The following PDE4D variants were observed in gnomAD, a reference collection of about 807,000 sequenced individuals.
The protein encoded by PDE4D is phosphodiesterase 4D.
PDE4D carries 24 observed loss-of-function variants against 87.4 expected under a neutral mutation model. That is an observed-to-expected ratio of 0.27 (90% CI 0.20 to 0.39). PDE4D has a LOEUF of 0.39. PDE4D is among the 10% of genes least tolerant of loss of function. The pLI, the probability that PDE4D is intolerant of heterozygous loss-of-function variation, is 1.00. For synonymous variants in PDE4D, 384 were observed against 383.2 expected (o/e 1.00, Z -0.02); for missense variants, 714 against 1,041.0 (o/e 0.69, Z 4.32).
intron 1 of PDE4D, among the ~76,000 whole-genome samples, chr5:60,473,206 AAAAG>A (rs1747988569): frequency 6.6e-6 from 1 of 150,804 alleles, no homozygotes; most frequent in Admixed American, 6.6e-5. Context: ...AGAAAGAAAG[AAAAG>A]AAAGAGAAAG....
intron 2 of PDE4D, among the ~76,000 whole-genome samples, chr5:59,199,335 T>G (rs1319258576): frequency 6.6e-6 from 1 of 151,772 alleles, no homozygotes; most frequent in African/African-American, 2.4e-5. Context: ...TGAAGTGATC[T>G]TCCTGTCTCA....
chr5:59,704,357 T>G (rs1753065989), intron 1 of PDE4D, among the ~76,000 whole-genome samples: 1 of 152,218 alleles, frequency 6.6e-6, no homozygotes, highest in African/African-American at 2.4e-5. Context: ...TTATTGTAAT[T>G]AGTGAAAACA....
chr5:60,110,390 G>T (rs1296189605), intron 2 of PDE4D, among the ~76,000 whole-genome samples: 1 of 151,928 alleles, frequency 6.6e-6, no homozygotes, highest in East Asian at 1.9e-4. Flanking sequence ...CAAAAGACTT[G>T]CAAATGGCCA....
At chr5:59,702,070 A>G (rs1334544883) in intron 1 of PDE4D, among the ~76,000 whole-genome samples, 1 of 152,210 alleles carries the variant, frequency 6.6e-6, no homozygotes, top group African/African-American at 2.4e-5. Context: ...TCATACATCA[A>G]CAGCAACATC....
chr5:59,829,737 T>C (rs1290520505), intron 1 of PDE4D, among the ~76,000 whole-genome samples: 2 of 152,052 alleles, frequency 1.3e-5, no homozygotes, highest in African/African-American at 4.8e-5. Context: ...TATACAATGA[T>C]CCCTTATTGC....
chr5:60,132,812 G>A (rs902316930), intron 2 of PDE4D, among the ~76,000 whole-genome samples: 5 of 151,832 alleles, frequency 3.3e-5, no homozygotes, highest in Admixed American at 2.0e-4. Context: ...AGCCGAGATC[G>A]CACCACTGCA....
chr5:59,786,854 T>G (rs1487891087), intron 1 of PDE4D, among the ~76,000 whole-genome samples: 1 of 152,166 alleles, frequency 6.6e-6, no homozygotes, highest in Non-Finnish European at 1.5e-5. Flanking sequence ...ATTGATGCCC[T>G]TTTTCAACAT....
At chr5:59,645,685 C>T (rs1244116843) in intron 1 of PDE4D, among the ~76,000 whole-genome samples, 1 of 152,100 alleles carries the variant, frequency 6.6e-6, no homozygotes, top group Non-Finnish European at 1.5e-5. Context: ...CTTCAGGCAC[C>T]ACAAGTCTGT....
intron 1 of PDE4D, among the ~76,000 whole-genome samples, chr5:60,337,384 T>TACACACACACAC (rs1231392851): frequency 1.0e-5 from 1 of 100,342 alleles, no homozygotes; most frequent in African/African-American, 3.9e-5. Context: ...TATATATATA[T>TACACACACACAC]ATATACACAC....
chr5:59,172,341 ATATAT>A (rs942894805), intron 5 of PDE4D, among the ~76,000 whole-genome samples: 1 of 133,622 alleles, frequency 7.5e-6, no homozygotes, highest in African/African-American at 2.8e-5. Flanking sequence ...ATAATATATT[ATATAT>A]TATATATTTT....
chr5:60,441,526 G>C (rs1290663989), intron 1 of PDE4D, among the ~76,000 whole-genome samples: 1 of 152,090 alleles, frequency 6.6e-6, no homozygotes, highest in Non-Finnish European at 1.5e-5. Flanking sequence ...TATAGGCATG[G>C]GCAAAGATTT....
chr5:60,112,218 T>C (rs895363869), intron 2 of PDE4D, among the ~76,000 whole-genome samples: 7 of 152,138 alleles, frequency 4.6e-5, no homozygotes, highest in African/African-American at 1.7e-4. Context: ...TAATTATACT[T>C]TTTAAAAAGC....
At chr5:59,126,352 G>C (rs912029281) in intron 5 of PDE4D, among the ~76,000 whole-genome samples, 1 of 152,170 alleles carries the variant, frequency 6.6e-6, no homozygotes, top group Non-Finnish European at 1.5e-5. Flanking sequence ...GATTATTACA[G>C]TAAGCAAGAC....
At chr5:59,594,630 T>C (rs1474612982) in intron 1 of PDE4D, among the ~76,000 whole-genome samples, 1 of 152,028 alleles carries the variant, frequency 6.6e-6, no homozygotes, top group Non-Finnish European at 1.5e-5. Context: ...CCCACCCATA[T>C]AACTTAAGGC....
chr5:59,064,123 G>A (rs1763536851), intron 5 of PDE4D, among the ~76,000 whole-genome samples: 1 of 151,754 alleles, frequency 6.6e-6, no homozygotes, highest in Non-Finnish European at 1.5e-5. Flanking sequence ...AAGAGAGAAG[G>A]AGGGAGGGAA....
chr5:60,173,729 C>T (rs920765614), intron 2 of PDE4D, among the ~76,000 whole-genome samples: 1 of 152,112 alleles, frequency 6.6e-6, no homozygotes, highest in African/African-American at 2.4e-5. Flanking sequence ...GAGCAACAGT[C>T]AGCAGCTTCC....
chr5:59,044,627 G>A (rs996699282), intron 5 of PDE4D, among the ~76,000 whole-genome samples: 21 of 152,166 alleles, frequency 1.4e-4, no homozygotes, highest in Admixed American at 1.3e-4. Context: ...GGAAATACAT[G>A]AAGGCTTTGG....
intron 2 of PDE4D, among the ~76,000 whole-genome samples, chr5:60,138,444 A>C (rs1341403526): frequency 1.3e-5 from 2 of 152,048 alleles, no homozygotes; most frequent in Non-Finnish European, 2.9e-5. Context: ...GATTTTCCAC[A>C]ACACTTAGAT....
chr5:59,592,827 G>A (rs897526874), intron 1 of PDE4D, among the ~76,000 whole-genome samples: 5 of 152,002 alleles, frequency 3.3e-5, no homozygotes, highest in Non-Finnish European at 7.4e-5. Flanking sequence ...CCATCTTGGA[G>A]TCCTAAGATG....
Sources: allele counts gnomAD v4.1 joint callset (sites outside exome capture counted in the v4.1 genomes callset), GRCh38; gene constraint gnomAD v4.1.1; transcripts MANE v1.5; gene names NCBI Gene and HGNC (gene_info 2026-07-23, HGNC 2026-07-21).